Variants in SNTG1 observed in about 807,000 individuals in gnomAD.
SNTG1 encodes the protein syntrophin gamma 1.
A neutral mutation model predicts 74.7 loss-of-function variants in SNTG1; 39 were observed. The observed-to-expected ratio is 0.52, with a 90% CI of 0.40 to 0.68. SNTG1 has a LOEUF of 0.68. SNTG1 is among the 30% of genes least tolerant of loss of function. The pLI is 0.00. For synonymous variants in SNTG1, 254 were observed against 217.1 expected (o/e 1.17, Z -1.49); for missense variants, 685 against 609.5 (o/e 1.12, Z -1.30).
At position 50,597,070 on chromosome 8, in the gene SNTG1, C is replaced by A. The variant is rs551459434; in HGVS notation, c.849+6153C>A. Reference sequence around the variant, plus strand: ...GCGAACCTCTCCCAATCTCCCCTCACTCTTCCCCTCCCTAGCCTCTGGTAA... The same window carrying A: ...GCGAACCTCTCCCAATCTCCCCTCAATCTTCCCCTCCCTAGCCTCTGGTAA... On this transcript the variant is annotated intron_variant, in intron 13 of 18. Coordinates refer to ENST00000642720, the MANE Select transcript of SNTG1 (RefSeq NM_018967.5). Among the ~76,000 whole-genome samples, 30 of 151,940 alleles carry A rather than the reference C, an allele frequency of 2.0e-4. 1 individual carries two copies. In the South Asian group the frequency reaches 6.2e-3, roughly 32 times the overall value.
chr8:50,267,812 G>C (rs1465486285), intron 2 of SNTG1, among the ~76,000 whole-genome samples: 2 of 152,094 alleles, frequency 1.3e-5, no homozygotes, highest in East Asian at 3.8e-4. Flanking sequence ...ACTCAATAGA[G>C]AGAATCTACA....
chr8:50,338,414 T>A (rs947930189), intron 2 of SNTG1, among the ~76,000 whole-genome samples: 2 of 151,982 alleles, frequency 1.3e-5, no homozygotes, highest in African/African-American at 2.4e-5. Flanking sequence ...CATAATACAG[T>A]GTGAAGAGAA....
intron 1 of SNTG1, among the ~76,000 whole-genome samples, chr8:49,961,856 A>C (rs950178502): frequency 3.3e-5 from 5 of 152,192 alleles, no homozygotes; most frequent in African/African-American, 9.7e-5. Context: ...ACTTGTTGAA[A>C]CCACACAATT....
chr8:50,519,037 T>C (rs1031664134), intron 9 of SNTG1, among the ~76,000 whole-genome samples: 1 of 152,140 alleles, frequency 6.6e-6, no homozygotes, highest in African/African-American at 2.4e-5. Flanking sequence ...CTGATAAACA[T>C]TGATGGGAAA....
At chr8:50,542,964 G>T (rs180730063) in intron 11 of SNTG1, among the ~76,000 whole-genome samples, 1 of 152,176 alleles carries the variant, frequency 6.6e-6, no homozygotes, top group Non-Finnish European at 1.5e-5. Flanking sequence ...TTGTTTGAGT[G>T]TCCTGTATAT....
rs1378162840 is a variant in SNTG1, at chr8:50,704,611, G to A, written c.1050G>A (p.Leu350=). ...IMCKILKDSD[L]LDRRKQCFTV... is the part of the protein sequence containing the mutation. ...CAGGTTTTCACCAGGACAGTGACCT[G>A]CTGGACCGACGGAAACAGTGCTTCA... Residue 350 remains leucine (L), a synonymous_variant, in exon 16 of 19, where the codon CTG becomes CTA. Coordinates refer to ENST00000642720, the MANE Select transcript of SNTG1 (RefSeq NM_018967.5). 2 of 1,614,006 alleles carry A rather than the reference G, an allele frequency of 1.2e-6. No individual in the cohort carries two copies. Among genetic ancestry groups the A allele is most frequent in the Non-Finnish European group, 1.7e-6 (2 of 1,180,008 alleles).
intron 1 of SNTG1, among the ~76,000 whole-genome samples, chr8:50,006,817 C>T (rs1351183480): frequency 2.0e-5 from 3 of 152,138 alleles, no homozygotes; most frequent in Non-Finnish European, 2.9e-5. Flanking sequence ...TTTCCAGCCT[C>T]GTGCTTGTCA....
chr8:50,604,699 G>A (rs2094799825), intron 13 of SNTG1, among the ~76,000 whole-genome samples: 1 of 152,076 alleles, frequency 6.6e-6, no homozygotes, highest in African/African-American at 2.4e-5. Flanking sequence ...GTCTAGGCCT[G>A]GATTTAGCCA....
At chr8:50,225,115 C>G (rs563751774) in intron 2 of SNTG1, among the ~76,000 whole-genome samples, 1 of 152,018 alleles carries the variant, frequency 6.6e-6, no homozygotes, top group Non-Finnish European at 1.5e-5. Flanking sequence ...GGACTACAGG[C>G]GCCCACCACC....
intron 2 of SNTG1, among the ~76,000 whole-genome samples, chr8:50,320,517 C>A (rs902362104): frequency 2.1e-5 from 3 of 144,908 alleles, no homozygotes; most frequent in African/African-American, 7.4e-5. Flanking sequence ...TCATTTAATT[C>A]TTCTCTGATC....
At chr8:50,412,312 G>T (rs1211006829) in intron 4 of SNTG1, among the ~76,000 whole-genome samples, 1 of 151,760 alleles carries the variant, frequency 6.6e-6, no homozygotes, top group Admixed American at 6.6e-5. Flanking sequence ...CTTACATTTT[G>T]TACCTATTTG....
At chr8:50,171,317 C>G (rs2082799154) in intron 1 of SNTG1, among the ~76,000 whole-genome samples, 1 of 152,176 alleles carries the variant, frequency 6.6e-6, no homozygotes, top group Non-Finnish European at 1.5e-5. Flanking sequence ...TGCCTGTCAA[C>G]TGAGGAGCAA....
At chr8:50,225,941 A>G (rs761159921) in intron 2 of SNTG1, among the ~76,000 whole-genome samples, 73 of 152,320 alleles carry the variant, frequency 4.8e-4, no homozygotes, top group Non-Finnish European at 9.3e-4. Flanking sequence ...ATTTTGCAGT[A>G]TTAAAAATTT....
intron 1 of SNTG1, among the ~76,000 whole-genome samples, chr8:49,925,661 T>C (rs1806956920): frequency 6.6e-6 from 1 of 152,244 alleles, no homozygotes. Context: ...TTTTGTCATT[T>C]TGAGAATGTT....
At chr8:50,573,543 A>G (rs879636469) in intron 12 of SNTG1, among the ~76,000 whole-genome samples, 2 of 151,916 alleles carry the variant, frequency 1.3e-5, no homozygotes, top group Admixed American at 1.3e-4. Context: ...CTGAAAGTGA[A>G]TATTATTCCT....
At chr8:50,314,434 A>G (rs2090238272) in intron 2 of SNTG1, among the ~76,000 whole-genome samples, 3 of 149,810 alleles carry the variant, frequency 2.0e-5, no homozygotes, top group African/African-American at 5.0e-5. Flanking sequence ...GCCTTTAAAA[A>G]AAGTCCCTGT....
At chr8:50,712,219 T>G (rs887793989) in intron 17 of SNTG1, among the ~76,000 whole-genome samples, 2 of 152,096 alleles carry the variant, frequency 1.3e-5, no homozygotes, top group African/African-American at 4.8e-5. Context: ...GACAGATATC[T>G]GTAAGTGAGG....
At chr8:50,349,773 T>C (rs1218774380) in intron 2 of SNTG1, among the ~76,000 whole-genome samples, 1 of 152,188 alleles carries the variant, frequency 6.6e-6, no homozygotes, top group Non-Finnish European at 1.5e-5. Context: ...CTCGCAGCCC[T>C]CACTTGCTCT....
chr8:50,473,350 T>C (rs1316735689), intron 8 of SNTG1, among the ~76,000 whole-genome samples: 1 of 152,034 alleles, frequency 6.6e-6, no homozygotes, highest in Admixed American at 6.6e-5. Context: ...GCACTGTGAG[T>C]CAATTAAACC....
Sources: gnomAD v4.1 joint callset for allele counts (sites outside exome capture counted in the v4.1 genomes callset) on GRCh38, gnomAD v4.1.1 for gene constraint, MANE v1.5 for transcripts, NCBI Gene and HGNC (gene_info 2026-07-23, HGNC 2026-07-21) for gene names.